Variants in RGS6 observed in about 807,000 individuals in gnomAD.
RGS6 encodes the protein regulator of G protein signaling 6, also known as regulator of G-protein signaling 6.
A neutral mutation model predicts 78.5 loss-of-function variants in RGS6; 30 were observed. The ratio of observed to expected loss-of-function variants is 0.38; its 90% CI spans 0.29 to 0.52. The LOEUF is 0.52. Among genes scored for constraint, RGS6 ranks in the 20% least tolerant of loss-of-function variants. The pLI, the probability that RGS6 is intolerant of heterozygous loss-of-function variation, is 0.85. For synonymous variants in RGS6, 206 were observed against 206.0 expected (o/e 1.00, Z 0.00); for missense variants, 495 against 609.7 (o/e 0.81, Z 1.98).
chr14:72,543,156 G>A (rs2097348828), intron 17 of RGS6, among the ~76,000 whole-genome samples: 1 of 152,138 alleles, frequency 6.6e-6, no homozygotes, highest in South Asian at 2.1e-4. Flanking sequence ...CATGACTGAA[G>A]TCCACGACAG....
At chr14:72,306,935 G>A (rs1595595120) in intron 2 of RGS6, among the ~76,000 whole-genome samples, 1 of 152,222 alleles carries the variant, frequency 6.6e-6, no homozygotes, top group Admixed American at 6.5e-5. Flanking sequence ...TTGTGTGCAT[G>A]TGGAGGTAAA....
At chr14:71,987,265 A>T (rs183528062) in intron 2 of RGS6, among the ~76,000 whole-genome samples, 2 of 152,206 alleles carry the variant, frequency 1.3e-5, no homozygotes, top group Admixed American at 1.3e-4. Context: ...TAAGTCTGGG[A>T]TGTCTGTTTG....
At chr14:72,238,147 C>G (rs2044769000) in intron 2 of RGS6, among the ~76,000 whole-genome samples, 1 of 152,160 alleles carries the variant, frequency 6.6e-6, no homozygotes, top group South Asian at 2.1e-4. Context: ...GGCTCTTCTC[C>G]AAAGTTGTTC....
At chr14:72,185,635 C>T (rs1047666887) in intron 2 of RGS6, among the ~76,000 whole-genome samples, 1 of 152,120 alleles carries the variant, frequency 6.6e-6, no homozygotes, top group Non-Finnish European at 1.5e-5. Flanking sequence ...GATGAACTTG[C>T]AGTAATTATA....
chr14:72,194,172 G>T (rs140108119), intron 2 of RGS6, among the ~76,000 whole-genome samples: 2 of 151,946 alleles, frequency 1.3e-5, no homozygotes, highest in African/African-American at 4.8e-5. Flanking sequence ...TTTTGAAGGC[G>T]GAGTTCATTC....
chr14:71,916,682 A>G, the RGS6 span, among the ~76,000 whole-genome samples: 1 of 152,154 alleles, frequency 6.6e-6, no homozygotes, highest in Non-Finnish European at 1.5e-5. Context: ...GGATCAGGCA[A>G]TTAGGGCAAG....
chr14:72,064,951 T>C (rs2094071222), intron 2 of RGS6, among the ~76,000 whole-genome samples: 1 of 152,228 alleles, frequency 6.6e-6, no homozygotes, highest in African/African-American at 2.4e-5. Flanking sequence ...CACAAATGAA[T>C]CTTGTCATTA....
At chr14:72,207,795 A>C (rs2043056048) in intron 2 of RGS6, among the ~76,000 whole-genome samples, 1 of 152,202 alleles carries the variant, frequency 6.6e-6, no homozygotes, top group Non-Finnish European at 1.5e-5. Flanking sequence ...CTGACAAAAC[A>C]GTTCATTGTG....
intron 2 of RGS6, among the ~76,000 whole-genome samples, chr14:72,245,263 A>G (rs1262452680): frequency 6.6e-6 from 1 of 152,202 alleles, no homozygotes. Context: ...TCAGTGGGGG[A>G]GACCCTAACC....
intron 12 of RGS6, among the ~76,000 whole-genome samples, chr14:72,481,805 CT>C (rs34462310): frequency 0.17 from 20,269 of 120,014 alleles, 1,262 homozygotes; most frequent in African/African-American, 0.3. Context: ...TTTATTTTAA[CT>C]TTTTTTTTTT....
At chr14:72,259,910 CAAAA>C (rs11287556) in intron 2 of RGS6, among the ~76,000 whole-genome samples, 4 of 68,408 alleles carry the variant, frequency 5.8e-5, no homozygotes, top group African/African-American at 2.7e-4. Context: ...GACTCCGTCT[CAAAA>C]AAAAAAAAAA....
intron 2 of RGS6, among the ~76,000 whole-genome samples, chr14:72,086,499 C>T (rs1265243958): frequency 6.6e-6 from 1 of 152,076 alleles, no homozygotes; most frequent in Admixed American, 6.6e-5. Context: ...TTTATAAGGC[C>T]TTCTATCCTT....
chr14:71,869,332 C>T, the RGS6 span, among the ~76,000 whole-genome samples: 5 of 152,218 alleles, frequency 3.3e-5, no homozygotes, highest in African/African-American at 1.2e-4. Context: ...GATCACTTGT[C>T]TGCCAGAAGA....
At chr14:72,443,005 G>A (rs1224748572) in intron 3 of RGS6, among the ~76,000 whole-genome samples, 1 of 152,190 alleles carries the variant, frequency 6.6e-6, no homozygotes, top group African/African-American at 2.4e-5. Context: ...CCCAAGGTAG[G>A]GCAATTCCTG....
At chr14:72,243,765 TTCTTG>T (rs768975523) in intron 2 of RGS6, among the ~76,000 whole-genome samples, 1 of 152,158 alleles carries the variant, frequency 6.6e-6, no homozygotes, top group East Asian at 1.9e-4. Context: ...TTTTTTTTTT[TTCTTG>T]TCTTTATAAC....
At chr14:72,540,549 G>C in intron 17 of RGS6, 1 of 1,566,630 alleles carries the variant, frequency 6.4e-7, no homozygotes, top group Non-Finnish European at 8.6e-7. Flanking sequence ...CGCCGGTGTG[G>C]GTCGCGAGCT....
chr14:71,917,955 C>T, the RGS6 span, among the ~76,000 whole-genome samples: 5 of 151,946 alleles, frequency 3.3e-5, no homozygotes, highest in East Asian at 7.8e-4. Flanking sequence ...GGGCGCATCA[C>T]GAGGTCAGGA....
intron 3 of RGS6, among the ~76,000 whole-genome samples, chr14:72,448,491 T>C (rs927493911): frequency 7.5e-5 from 11 of 146,892 alleles, no homozygotes; most frequent in African/African-American, 2.2e-4. Context: ...ATTGCATTTT[T>C]TTTCAATTAA....
At chr14:72,558,737 T>C (rs1184793173) in intron 17 of RGS6, among the ~76,000 whole-genome samples, 1 of 152,144 alleles carries the variant, frequency 6.6e-6, no homozygotes, top group African/African-American at 2.4e-5. Flanking sequence ...GTCCATGAAA[T>C]TGAAGGATCC....
Sources: gnomAD v4.1 joint callset for allele counts (sites outside exome capture counted in the v4.1 genomes callset) on GRCh38, gnomAD v4.1.1 for gene constraint, MANE v1.5 for transcripts, NCBI Gene and HGNC (gene_info 2026-07-23, HGNC 2026-07-21) for gene names.